Variants in CDRT4 observed in about 807,000 individuals in gnomAD.
The protein encoded by CDRT4 is CMT1A duplicated region transcript 4 protein.
For synonymous variants in CDRT4, 64 were observed against 69.6 expected (o/e 0.92, Z 0.40); for missense variants, 167 against 193.1 (o/e 0.87, Z 0.80).
At chr17:15,441,144 T>A (rs1277543253) in intron 2 of CDRT4, among the ~76,000 whole-genome samples, 2 of 152,216 alleles carry the variant, frequency 1.3e-5, no homozygotes, top group African/African-American at 4.8e-5. Flanking sequence ...AAAAGTGCCA[T>A]GAAGCATTTC....
At chr17:15,445,732 A>G (rs1002878865) in intron 2 of CDRT4, among the ~76,000 whole-genome samples, 18 of 152,132 alleles carry the variant, frequency 1.2e-4, no homozygotes, top group Non-Finnish European at 2.5e-4. Flanking sequence ...CAGAAGAAAA[A>G]GCTCCACTGG....
rs1463547223 is a variant in CDRT4 at position 15,461,616 on chromosome 17, G to A, written c.-130+5844C>T. Among the ~76,000 whole-genome samples the A allele has an allele frequency of 2.6e-5, 4 of 152,182 alleles. No homozygotes were observed. The East Asian group carries it at 7.7e-4, about 29-fold the overall frequency. On this transcript the variant is annotated intron_variant, in intron 1 of 3. Coordinates refer to ENST00000619038, the MANE Select transcript of CDRT4 (RefSeq NM_001204477.2). ...GACCTGGAGTAAGCACCAGGAATCTGCATCTCTAACAGGTCTCCAGGTGAA... is the reference window on the plus strand; with the variant it reads ...GACCTGGAGTAAGCACCAGGAATCTACATCTCTAACAGGTCTCCAGGTGAA...
Position 15,436,432 on chromosome 17 carries a change from T to C in CDRT4, c.*1341A>G, listed in dbSNP as rs899771209. 3 of 152,204 alleles carry C rather than the reference T, an allele frequency of 2.0e-5. No individual in the cohort carries two copies. The highest frequency in any genetic ancestry group is 1.3e-4 in the Admixed American group (2 of 15,282). 9.4% of individuals were successfully genotyped at this position (152,204 alleles called of 1,614,324 possible). A position where few individuals can be genotyped will look rare whatever the true frequency, so the allele number is the denominator to read the frequency against. On this transcript the variant is annotated 3_prime_UTR_variant, in exon 4 of 4. Coordinates refer to ENST00000619038, the MANE Select transcript of CDRT4 (RefSeq NM_001204477.2). ...GGTAAGGTCAGCCTTACTCAGTAGA[T>C]AAACCCCAAACATGAAACCAGCTGG...
chr17:15,459,835 G>A (rs1331725106), intron 1 of CDRT4, among the ~76,000 whole-genome samples: 1 of 152,008 alleles, frequency 6.6e-6, no homozygotes, highest in Non-Finnish European at 1.5e-5. Flanking sequence ...GCTGCCATAC[G>A]GAATGATCTC....
chr17:15,446,673 G>C lies in CDRT4; in HGVS notation c.-48+6331C>G, dbSNP rs55959216. ...GTGTTAGCATGTTCTTATACAGACC[G>C]TGCCTCTTTCTGGTGGATCAGCTGT... On this transcript the variant is annotated intron_variant, in intron 2 of 3. Transcript: ENST00000619038. 1.3e-3 allele frequency among the ~76,000 whole-genome samples: 201 copies of C among 152,236 alleles called. 1 individual carries two copies. The highest frequency in any genetic ancestry group is 2.7e-3 in the Admixed American group (41 of 15,292).
At chr17:15,466,034 A>AGAAAGGGAGGGAGAGGGAGG (rs1980024550) in intron 1 of CDRT4, among the ~76,000 whole-genome samples, 2 of 139,538 alleles carry the variant, frequency 1.4e-5, no homozygotes, top group African/African-American at 5.3e-5. Flanking sequence ...AAGGAGGGAG[A>AGAAAGGGAGGGAGAGGGAGG]GAAAGGGAGG....
intron 2 of CDRT4, among the ~76,000 whole-genome samples, chr17:15,444,713 G>A (rs927684008): frequency 2.6e-5 from 3 of 115,904 alleles, no homozygotes; most frequent in African/African-American, 9.4e-5. Flanking sequence ...TTAGCCAAGC[G>A]CAGAGAGAGA....
intron 2 of CDRT4, among the ~76,000 whole-genome samples, chr17:15,445,215 G>A (rs1978970600): frequency 6.6e-6 from 1 of 152,144 alleles, no homozygotes; most frequent in Non-Finnish European, 1.5e-5. Context: ...CAGAATGCAA[G>A]AATCTCTCCT....
Position 15,440,234 on chromosome 17 carries a change from T to A in CDRT4, c.5A>T (p.Asp2Val). ...TTCTTCTTTCTTCATCCTTCTTGCA[T>A]CCATCTTCTTTTTAATATTTACTGA... M[D>V]ARRMKKEEGL... Residue 2 changes from aspartate to valine, a missense_variant, in exon 3 of 4, where the codon GAT (aspartate) becomes GTT (valine). Transcript: ENST00000619038. 3 of 1,613,744 alleles carry A rather than the reference T, an allele frequency of 1.9e-6. No homozygotes were observed. The highest frequency in any genetic ancestry group is 2.5e-6 in the Non-Finnish European group (3 of 1,179,998).
intron 2 of CDRT4, among the ~76,000 whole-genome samples, chr17:15,447,518 T>G (rs1428567486): frequency 6.6e-6 from 1 of 152,240 alleles, no homozygotes; most frequent in Admixed American, 6.5e-5. Flanking sequence ...GTGTGTTTTC[T>G]GCATGTGAAT....
At chr17:15,442,918 T>G (rs1330847138) in intron 2 of CDRT4, among the ~76,000 whole-genome samples, 1 of 152,210 alleles carries the variant, frequency 6.6e-6, no homozygotes, top group African/African-American at 2.4e-5. Flanking sequence ...GGTTCCATTT[T>G]GTGTCCCTGT....
At chr17:15,446,036 C>A (rs1979008595) in intron 2 of CDRT4, among the ~76,000 whole-genome samples, 2 of 152,164 alleles carry the variant, frequency 1.3e-5, no homozygotes, top group African/African-American at 4.8e-5. Flanking sequence ...GAGGAAGCTA[C>A]CACTAAAGCC....
At chr17:15,440,392 CTAAGA>C (rs2150784866) in intron 2 of CDRT4, 107 bp from the exon 3 acceptor site, 1 of 1,232,732 alleles carries the variant, frequency 8.1e-7, no homozygotes, top group African/African-American at 1.5e-5. Context: ...CTGCATGAGG[CTAAGA>C]TGACTCCACC....
intron 1 of CDRT4, among the ~76,000 whole-genome samples, chr17:15,456,643 T>G (rs900438998): frequency 2.0e-5 from 3 of 150,664 alleles, no homozygotes; most frequent in African/African-American, 4.9e-5. Context: ...GGGTCTAGAA[T>G]GGAGTAAGTT....
chr17:15,463,203 T>G (rs957605882), intron 1 of CDRT4, among the ~76,000 whole-genome samples: 2 of 151,470 alleles, frequency 1.3e-5, no homozygotes, highest in Non-Finnish European at 2.9e-5. Flanking sequence ...AATGGGGAAG[T>G]GGGTAGGGGA....
At position 15,452,987 on chromosome 17, in the gene CDRT4, G is replaced by A. The variant is rs949803307; in HGVS notation, c.-48+17C>T. Reference sequence around the variant, plus strand: ...AGGATAGACTGTGGTCAAAACCCAAGGCCAGATTTGCTTAACTTGTTCTGA... The same window carrying A: ...AGGATAGACTGTGGTCAAAACCCAAAGCCAGATTTGCTTAACTTGTTCTGA... On this transcript the variant is annotated intron_variant, in intron 2 of 3. Transcript: ENST00000619038. The A allele has an allele frequency of 6.6e-6, 1 of 152,154 alleles. No homozygotes were observed. Among genetic ancestry groups the A allele is most frequent in the East Asian group, 1.9e-4 (1 of 5,188 alleles). 9.4% of individuals were successfully genotyped at this position (152,154 alleles called of 1,614,324 possible). A position where few individuals can be genotyped will look rare whatever the true frequency, so the allele number is the denominator to read the frequency against.
At chr17:15,453,682 A>G (rs1979361444) in intron 1 of CDRT4, among the ~76,000 whole-genome samples, 1 of 152,184 alleles carries the variant, frequency 6.6e-6, no homozygotes, top group Non-Finnish European at 1.5e-5. Flanking sequence ...TTGATAGGAG[A>G]ATTCACCAAA....
At chr17:15,439,484 A>C (rs921052087) in intron 3 of CDRT4, among the ~76,000 whole-genome samples, 18 of 152,206 alleles carry the variant, frequency 1.2e-4, no homozygotes, top group Admixed American at 1.2e-3. Context: ...CTCCAAGCAC[A>C]GACTGTTCAC....
chr17:15,438,731 T>G (rs1428607075), intron 3 of CDRT4, among the ~76,000 whole-genome samples: 1 of 152,232 alleles, frequency 6.6e-6, no homozygotes, highest in African/African-American at 2.4e-5. Context: ...GGAACTTTCT[T>G]GTGGATTAAA....
Sources: allele counts gnomAD v4.1 joint callset (sites outside exome capture counted in the v4.1 genomes callset), GRCh38; gene constraint gnomAD v4.1.1; transcripts MANE v1.5; gene names NCBI Gene and HGNC (gene_info 2026-07-23, HGNC 2026-07-21).